TCP11L2: variants seen among roughly 807,000 people sequenced by gnomAD.
The protein encoded by TCP11L2 is T-complex protein 11-like protein 2.
A neutral mutation model predicts 50.7 loss-of-function variants in TCP11L2; 39 were observed. That is an observed-to-expected ratio of 0.77 (90% confidence interval 0.60 to 1.01). TCP11L2 has a LOEUF of 1.01. Among genes scored for constraint, TCP11L2 ranks in the 50% least tolerant of loss-of-function variants. The probability of loss-of-function intolerance (pLI) is 0.00; values close to 1 mark genes in which losing one functional copy is unlikely to be tolerated. For synonymous variants in TCP11L2, 192 were observed against 219.3 expected (o/e 0.88, Z 1.10); for missense variants, 612 against 614.7 (o/e 1.00, Z 0.05).
chr12:106,312,308 T>C (rs2034892022), intron 2 of TCP11L2: 1 of 566,168 alleles, frequency 1.8e-6, no homozygotes, highest in Non-Finnish European at 2.9e-6. Flanking sequence ...TATGAACATC[T>C]TACTGCATGA....
chr12:106,336,174 C>G lies in TCP11L2; in HGVS notation c.1103C>G (p.Thr368Arg), dbSNP rs760348013. 1.2e-6 allele frequency: 2 copies of G among 1,612,486 alleles called. No individual in the cohort carries two copies. Among genetic ancestry groups the G allele is most frequent in the South Asian group, 2.2e-5 (2 of 90,606 alleles). ...CTGCCTGAGCTTGCAAGCAGGTTAACAAGGATTTCAGCTGTTCTACTTGAA... is the reference window on the plus strand; with the variant it reads ...CTGCCTGAGCTTGCAAGCAGGTTAAGAAGGATTTCAGCTGTTCTACTTGAA... ...GGLPELASRL[T>R]RISAVLLEGM... The change falls in exon 8 of 10, where the codon ACA becomes AGA. Residue 368 changes from threonine to arginine, a missense_variant. Transcript: ENST00000299045.
upstream of TCP11L2, among the ~76,000 whole-genome samples, chr12:106,299,595 G>C (rs1393957396): frequency 1.3e-5 from 2 of 152,116 alleles, no homozygotes; most frequent in African/African-American, 4.8e-5. Flanking sequence ...CAGACTGCAC[G>C]AACATGAAGC....
At chr12:106,337,233 C>G (rs1317429653) in intron 8 of TCP11L2, among the ~76,000 whole-genome samples, 1 of 152,154 alleles carries the variant, frequency 6.6e-6, no homozygotes, top group East Asian at 1.9e-4. Flanking sequence ...ACCTATTATT[C>G]AGAGAGCATA....
intron 8 of TCP11L2, among the ~76,000 whole-genome samples, chr12:106,340,544 T>C (rs542819945): frequency 1.3e-5 from 2 of 152,376 alleles, no homozygotes; most frequent in East Asian, 3.9e-4. Context: ...CCCTGCAATA[T>C]AAATGGGGTT....
Position 106,321,655 on chromosome 12 carries a change from A to G in TCP11L2, c.584A>G (p.Asp195Gly). 6.2e-7 allele frequency: 1 copy of G among 1,614,210 alleles called. No individual in the cohort carries two copies. The highest frequency in any genetic ancestry group is 8.5e-7 in the Non-Finnish European group (1 of 1,180,036). The change falls in exon 5 of 10, where the codon GAT becomes GGT. Residue 195 changes from aspartate (D) to glycine (G), a missense_variant. Asp to Gly is a moderately conservative substitution (Grantham distance 94). Transcript: ENST00000299045. ...GGAAAGCTGTGTGCTCCCGTGCGAG[A>G]TAATGATATCAGAGAGTTAAAGGCT... ...TMGKLCAPVR[D>G]NDIRELKATG...
intron 3 of TCP11L2, among the ~76,000 whole-genome samples, chr12:106,315,562 A>G (rs188229217): frequency 1.9e-3 from 284 of 152,366 alleles, no homozygotes; most frequent in African/African-American, 6.6e-3. Context: ...GGCTCAAGAC[A>G]TATTTGCACA....
chr12:106,329,399 G>A (rs2035669044), intron 6 of TCP11L2: 1 of 1,535,984 alleles, frequency 6.5e-7, no homozygotes, highest in Non-Finnish European at 8.7e-7. Flanking sequence ...CAGTCACCGT[G>A]CCAGCCTGTG....
intron 5 of TCP11L2, among the ~76,000 whole-genome samples, chr12:106,321,998 A>G (rs2035357008): frequency 6.6e-6 from 1 of 152,206 alleles, no homozygotes; most frequent in South Asian, 2.1e-4. Flanking sequence ...AGAGATCTTG[A>G]ACAATTAATT....
chr12:106,329,227 T>C, intron 6 of TCP11L2: 1 of 1,423,906 alleles, frequency 7.0e-7, no homozygotes, highest in South Asian at 1.2e-5. Context: ...CTTATTTACC[T>C]TTAAATCCCC....
chr12:106,330,306 TA>T (rs2035702233), intron 6 of TCP11L2: 1 of 985,176 alleles, frequency 1.0e-6, no homozygotes, highest in African/African-American at 1.7e-5. Context: ...CAAAAGTAAA[TA>T]AAAACTATTT....
At chr12:106,319,144 C>T (rs2035236129) in intron 4 of TCP11L2, among the ~76,000 whole-genome samples, 1 of 152,172 alleles carries the variant, frequency 6.6e-6, no homozygotes, top group Non-Finnish European at 1.5e-5. Context: ...ATCTCCTGAC[C>T]TCATGATTCG....
Position 106,346,371 on chromosome 12 carries a change from T to G in TCP11L2, c.1401T>G (p.Ala467=). The change falls in exon 10 of 10, where the codon GCT becomes GCG. Residue 467 remains alanine (A), a synonymous_variant. Coordinates refer to ENST00000299045, the MANE Select transcript of TCP11L2 (RefSeq NM_152772.3). ...KCMPPMPGGL[A]VIQQELEALG... Reference sequence around the variant, plus strand: ...TGCCTCCTATGCCAGGAGGCCTAGCTGTCATTCAGCAGGAGCTAGAAGCCC... The same window carrying G: ...TGCCTCCTATGCCAGGAGGCCTAGCGGTCATTCAGCAGGAGCTAGAAGCCC... 1 of 1,614,178 alleles carries G rather than the reference T, an allele frequency of 6.2e-7. No individual in the cohort carries two copies. The highest frequency in any genetic ancestry group is 1.1e-5 in the South Asian group (1 of 91,080).
chr12:106,343,451 GT>G (rs1405852557), intron 9 of TCP11L2, among the ~76,000 whole-genome samples: 24 of 152,062 alleles, frequency 1.6e-4, no homozygotes, highest in African/African-American at 5.8e-4. Context: ...GTTGGCCATG[GT>G]TTTCCTCTGC....
At chr12:106,329,483 C>T (rs1320445155) in intron 6 of TCP11L2, 18 of 1,512,088 alleles carry the variant, frequency 1.2e-5, no homozygotes, top group South Asian at 7.4e-5. Context: ...TCTGCTTTAC[C>T]GGTCATTCTC....
intron 6 of TCP11L2, among the ~76,000 whole-genome samples, chr12:106,332,034 C>G (rs555980080): frequency 1.3e-5 from 2 of 152,148 alleles, no homozygotes; most frequent in Non-Finnish European, 2.9e-5. Context: ...GACTTGCCTG[C>G]CTAATTATAC....
chr12:106,346,510 G>A lies in TCP11L2; in HGVS notation c.1540G>A (p.Ala514Thr), dbSNP rs1209138202. The change falls in exon 10 of 10, where the codon GCT (alanine) becomes ACT (threonine). Residue 514 changes from alanine to threonine, a missense_variant. By Grantham distance (58) the Ala-to-Thr change is moderately conservative. Transcript: ENST00000299045. ...TGAGGAAGCCATGGGGAAGGTAGAT[G>A]CTTCACCTCCTACTAACTAAAGAAG... ...FNEEAMGKVD[A>T]SPPTN The A allele has an allele frequency of 6.2e-7, 1 of 1,613,224 alleles. No individual in the cohort carries two copies. Among genetic ancestry groups the A allele is most frequent in the Admixed American group, 1.7e-5 (1 of 59,944 alleles).
intron 2 of TCP11L2, chr12:106,312,158 A>C: frequency 2.8e-6 from 1 of 359,834 alleles, no homozygotes; most frequent in East Asian, 7.4e-5. Flanking sequence ...ACTCATGATT[A>C]CATGTTTTTG....
Position 106,346,518 on chromosome 12 carries a change from T to G in TCP11L2, c.1548T>G (p.Pro516=), listed in dbSNP as rs1233076684. The change falls in exon 10 of 10, where the codon CCT becomes CCG. Residue 516 remains proline (P), a synonymous_variant. Transcript: ENST00000299045. ...EEAMGKVDAS[P]PTN ...CCATGGGGAAGGTAGATGCTTCACCTCCTACTAACTAAAGAAGAACTGACA... is the reference window on the plus strand; with the variant it reads ...CCATGGGGAAGGTAGATGCTTCACCGCCTACTAACTAAAGAAGAACTGACA... The G allele has an allele frequency of 6.2e-7, 1 of 1,612,006 alleles. No individual in the cohort carries two copies. Among genetic ancestry groups the G allele is most frequent in the East Asian group, 2.2e-5 (1 of 44,862 alleles).
intron 8 of TCP11L2, among the ~76,000 whole-genome samples, chr12:106,336,414 C>T (rs1029611001): frequency 1.8e-4 from 27 of 152,168 alleles, no homozygotes; most frequent in African/African-American, 5.5e-4. Flanking sequence ...AGGTGTTTTC[C>T]ATGACAAGTG....
Sources: gnomAD v4.1 joint callset for allele counts (sites outside exome capture counted in the v4.1 genomes callset) on GRCh38, gnomAD v4.1.1 for gene constraint, MANE v1.5 for transcripts, NCBI Gene and HGNC (gene_info 2026-07-23, HGNC 2026-07-21) for gene names.